RELCH: variants seen among roughly 807,000 people sequenced by gnomAD.
RELCH encodes the protein RAB11-binding protein RELCH.
In RELCH, 41 loss-of-function variants were observed where a neutral mutation model predicts 150.3. The observed-to-expected ratio is 0.27, with a 90% CI of 0.21 to 0.35. The LOEUF is 0.35. Ranked by LOEUF, RELCH falls within the 10% of genes least tolerant of loss-of-function variation. The pLI is 1.00. For missense variants in RELCH, 1,092 were observed against 1,467.8 expected (o/e 0.74, Z 4.18); for synonymous variants, 478 against 531.8 (o/e 0.90, Z 1.39).
chr18:62,227,585 G>A lies in RELCH; in HGVS notation c.1063-13G>A. 2 of 1,534,838 alleles carry A rather than the reference G, an allele frequency of 1.3e-6. No homozygotes were observed. Among genetic ancestry groups the A allele is most frequent in the Non-Finnish European group, 1.8e-6 (2 of 1,119,692 alleles). The stretch of plus-strand genomic sequence containing the variant: ...GATCTTGAGTTTCTGTTTTTCTCCT[G>A]TTTTGATTTTAGAACTCCATGTTAG... On this transcript the variant is annotated splice_polypyrimidine_tract_variant and intron_variant, in intron 6 of 28. Transcript: ENST00000644646.
At chr18:62,245,901 A>G (rs2042387227) in intron 11 of RELCH, 1 of 152,188 alleles carries the variant, frequency 6.6e-6, no homozygotes, top group South Asian at 2.1e-4. Context: ...AATGTATTCT[A>G]GCCAAATCAT....
At chr18:62,217,723 G>A (rs1339953106) in intron 2 of RELCH, among the ~76,000 whole-genome samples, 1 of 152,014 alleles carries the variant, frequency 6.6e-6, no homozygotes, top group African/African-American at 2.4e-5. Context: ...AAAACCACCA[G>A]AGTGAAAGTC....
intron 27 of RELCH, among the ~76,000 whole-genome samples, chr18:62,297,743 C>T (rs75147279): frequency 0.019 from 2,924 of 152,298 alleles, 95 homozygotes; most frequent in East Asian, 0.13. Flanking sequence ...GTCTCCCTTG[C>T]TCACCCTGCA....
intron 11 of RELCH, among the ~76,000 whole-genome samples, chr18:62,250,313 A>C (rs2042634191): frequency 6.6e-6 from 1 of 152,202 alleles, no homozygotes; most frequent in South Asian, 2.1e-4. Flanking sequence ...TAGTCATTTC[A>C]TGTGAAGCTC....
chr18:62,188,985 T>A (rs1218683738), intron 1 of RELCH, among the ~76,000 whole-genome samples: 1 of 152,222 alleles, frequency 6.6e-6, no homozygotes, highest in Non-Finnish European at 1.5e-5. Flanking sequence ...CTAATTGATT[T>A]TTTTTTAATC....
Position 62,227,426 on chromosome 18 carries a change from A to T in RELCH, c.996A>T (p.Glu332Asp), listed in dbSNP as rs1192353766. The T allele has an allele frequency of 1.2e-6, 2 of 1,613,328 alleles. No homozygotes were observed. Among genetic ancestry groups the T allele is most frequent in the Non-Finnish European group, 1.7e-6 (2 of 1,179,662 alleles). ...TGGCCAGTGGAGTAGAAGAAGATGA[A>T]TTAGAGGCCCTTACACCAATTATAA... ...VDVASGVEED[E>D]LEALTPIISN... is the part of the protein sequence containing the mutation. The change falls in exon 6 of 29, where the codon GAA becomes GAT. Residue 332 changes from glutamate to aspartate, a missense_variant. Physicochemically the swap from Glu to Asp is conservative, Grantham distance 45. Transcript: ENST00000644646.
In RELCH at chr18:62,309,704, A is replaced by ATATC. The variant is rs1219969794; in HGVS notation, c.*4173_*4176dup. On this transcript the variant is annotated 3_prime_UTR_variant, in exon 29 of 29. Transcript: ENST00000644646. ...AAATCTGGGAAATTCTGTCCCCCGCATATCTACATGGAGAACTATATTACT... is the reference window on the plus strand; with the variant it reads ...AAATCTGGGAAATTCTGTCCCCCGCATATCTATCTACATGGAGAACTATATTACT... 2 of 152,182 alleles carry ATATC rather than the reference A, an allele frequency of 1.3e-5. No individual in the cohort carries two copies. The highest frequency in any genetic ancestry group is 4.8e-5 in the African/African-American group (2 of 41,446). The allele number at this position is 152,182 out of a possible 1,614,324, so 9.4% of individuals were successfully genotyped here.
intron 2 of RELCH, among the ~76,000 whole-genome samples, chr18:62,216,474 T>C (rs1354897124): frequency 1.1e-4 from 17 of 152,246 alleles, no homozygotes; most frequent in South Asian, 6.2e-4. Context: ...TTTTGAGATC[T>C]GGAGAACTAG....
At chr18:62,267,941 T>TC (rs1173424315) in intron 19 of RELCH, among the ~76,000 whole-genome samples, 1 of 151,730 alleles carries the variant, frequency 6.6e-6, no homozygotes, top group East Asian at 1.9e-4. Context: ...CCACACTCCC[T>TC]CCCCAAAAAA....
intron 2 of RELCH, among the ~76,000 whole-genome samples, chr18:62,211,628 G>A (rs2040175279): frequency 6.6e-6 from 1 of 151,904 alleles, no homozygotes; most frequent in Admixed American, 6.6e-5. Flanking sequence ...GTTAAAAATT[G>A]GTTTTGAACC....
At chr18:62,199,973 ATTG>A (rs75008830) in intron 1 of RELCH, among the ~76,000 whole-genome samples, 42,497 of 151,970 alleles carry the variant, frequency 0.28, 7,083 homozygotes, top group East Asian at 0.59. Context: ...AATAATTACT[ATTG>A]TTGTCATCAC....
chr18:62,277,030 T>G (rs1266329469), intron 22 of RELCH, among the ~76,000 whole-genome samples: 1 of 152,172 alleles, frequency 6.6e-6, no homozygotes, highest in Non-Finnish European at 1.5e-5. Flanking sequence ...TCCTATGATT[T>G]TATTCTAAGC....
intron 11 of RELCH, among the ~76,000 whole-genome samples, chr18:62,249,629 T>TA (rs1471654396): frequency 6.6e-6 from 1 of 152,106 alleles, no homozygotes; most frequent in African/African-American, 2.4e-5. Context: ...AACCTGGTCT[T>TA]AGAGTCTATT....
intron 11 of RELCH, among the ~76,000 whole-genome samples, chr18:62,249,976 A>G (rs1210404320): frequency 1.3e-5 from 2 of 152,292 alleles, no homozygotes; most frequent in South Asian, 4.1e-4. Flanking sequence ...TTTATGCTCA[A>G]TAATGATGCT....
At chr18:62,288,186 G>A (rs2044914984) in intron 26 of RELCH, among the ~76,000 whole-genome samples, 1 of 152,054 alleles carries the variant, frequency 6.6e-6, no homozygotes, top group Admixed American at 6.6e-5. Context: ...CAACTTTTAG[G>A]CTCTTTTATT....
chr18:62,252,846 T>C (rs1364070726), intron 12 of RELCH, 92 bp downstream of exon 12: 2 of 869,694 alleles, frequency 2.3e-6, no homozygotes, highest in Admixed American at 2.1e-5. Flanking sequence ...TTAAGAAATA[T>C]GTGGGATATA....
chr18:62,270,570 C>A (rs943772965), intron 20 of RELCH, among the ~76,000 whole-genome samples: 1 of 151,966 alleles, frequency 6.6e-6, no homozygotes, highest in Non-Finnish European at 1.5e-5. Context: ...AATTTTTACC[C>A]ACTACTAACT....
At chr18:62,258,364 T>C in intron 14 of RELCH, 148 bp from the exon 15 acceptor site, 2 of 726,320 alleles carry the variant, frequency 2.8e-6, no homozygotes, top group Non-Finnish European at 4.4e-6. Flanking sequence ...CATCAGTGGA[T>C]ACATGGCAAG....
At chr18:62,215,516 T>A (rs1380107591) in intron 2 of RELCH, among the ~76,000 whole-genome samples, 1 of 152,190 alleles carries the variant, frequency 6.6e-6, no homozygotes, top group Non-Finnish European at 1.5e-5. Flanking sequence ...TCTGCACACA[T>A]ATTCCTTCAA....
Sources: allele counts gnomAD v4.1 joint callset (sites outside exome capture counted in the v4.1 genomes callset), GRCh38; gene constraint gnomAD v4.1.1; transcripts MANE v1.5; gene names NCBI Gene and HGNC (gene_info 2026-07-23, HGNC 2026-07-21).